Variants in ZNF829 observed in about 807,000 individuals in gnomAD.
The protein encoded by ZNF829 is zinc finger protein 829.
ZNF829 carries 25 observed loss-of-function variants against 35.2 expected under a neutral mutation model. That is an observed-to-expected ratio of 0.71 (90% CI 0.52 to 0.99). ZNF829 has a LOEUF of 0.99. Ranked by LOEUF, ZNF829 falls within the 50% of genes least tolerant of loss-of-function variation. The pLI is 0.00. For synonymous variants in ZNF829, 136 were observed against 163.2 expected (o/e 0.83, Z 1.27); for missense variants, 417 against 515.3 (o/e 0.81, Z 1.85).
In ZNF829 at chr19:36,893,112, T is replaced by C. The variant is rs2073077291; in HGVS notation, c.320-641A>G. On this transcript the variant is annotated intron_variant, in intron 5 of 5. Transcript: ENST00000391711. ...TGAAAGGACTGTTAAGAATAACAAA[T>C]GTGTTGAAAGGTTTAAATGTCGGGG... The C allele has an allele frequency of 1.3e-5, 5 of 397,638 alleles. No individual in the cohort carries two copies. In the East Asian group the frequency reaches 1.8e-4, roughly 14 times the overall value. The allele number at this position is 397,638 out of a possible 1,614,324, so 24.6% of individuals were successfully genotyped here. A position where few individuals can be genotyped will look rare whatever the true frequency, so the allele number is the denominator to read the frequency against.
chr19:36,915,261 G>A lies in ZNF829; in HGVS notation c.-84-10C>T. The A allele has an allele frequency of 6.2e-7, 1 of 1,605,086 alleles. No individual in the cohort carries two copies. Among genetic ancestry groups the A allele is most frequent in the Non-Finnish European group, 8.5e-7 (1 of 1,175,920 alleles). On this transcript the variant is annotated splice_polypyrimidine_tract_variant and intron_variant, in intron 1 of 5. Coordinates refer to ENST00000391711, the MANE Select transcript of ZNF829 (RefSeq NM_001037232.4). ...ACCTCAGAGAGGTTTCCTAGAGACA[G>A]AGTTCTGGAGTCACAATCGCATAGT...
At position 36,915,129 on chromosome 19, in the gene ZNF829, C is replaced by T. The variant is rs372911864; in HGVS notation, c.38+1G>A. ...AGTTCTTCCCCAGCCCCATTACCCA[C>T]CACACATGAGGAATGGAGATCAGAG... On this transcript the variant is annotated splice_donor_variant, in intron 2 of 5. Transcript: ENST00000391711. LOFTEE classifies it high-confidence loss of function. The T allele has an allele frequency of 2.2e-5, 35 of 1,614,084 alleles. No homozygotes were observed. The highest frequency in any genetic ancestry group is 1.8e-4 in the East Asian group (8 of 44,872).
intron 5 of ZNF829, chr19:36,901,776 A>C: frequency 1.8e-6 from 1 of 561,212 alleles, no homozygotes. Context: ...GAGAAGAAAA[A>C]GGGCCGTTCT....
At chr19:36,915,849 C>T in intron 1 of ZNF829, 162 bp downstream of exon 1, 1 of 1,535,988 alleles carries the variant, frequency 6.5e-7, no homozygotes. Flanking sequence ...CCTGCCTCGG[C>T]CTCCCAAACA....
chr19:36,895,694 CAAGT>C (rs2073105413), intron 5 of ZNF829, among the ~76,000 whole-genome samples: 1 of 151,752 alleles, frequency 6.6e-6, no homozygotes, highest in African/African-American at 2.4e-5. Context: ...AAACCAAAAG[CAAGT>C]GAGAGTAGCC....
rs551954572 is a variant in ZNF829 at position 36,889,073 on chromosome 19, A to C, written c.*2419T>G. 6.6e-6 allele frequency: 1 copy of C among 152,184 alleles called. No homozygotes were observed. The highest frequency in any genetic ancestry group is 1.9e-4 in the East Asian group (1 of 5,178). 9.4% of individuals were successfully genotyped at this position (152,184 alleles called of 1,614,324 possible). A position where few individuals can be genotyped will look rare whatever the true frequency, so the allele number is the denominator to read the frequency against. On this transcript the variant is annotated 3_prime_UTR_variant, in exon 6 of 6. Coordinates refer to ENST00000391711, the MANE Select transcript of ZNF829 (RefSeq NM_001037232.4). ...AGGTGTGAGTGCCTGGCTTATTTTT[A>C]ATTCTGTGTATGTGATGAATCATGT... is the stretch of plus-strand genomic sequence containing the variant.
intron 5 of ZNF829, among the ~76,000 whole-genome samples, chr19:36,898,724 T>C (rs773183281): frequency 1.3e-5 from 2 of 152,134 alleles, no homozygotes; most frequent in Non-Finnish European, 2.9e-5. Context: ...AACTGATGGT[T>C]GACAAAGGTG....
At chr19:36,912,243 G>C (rs139907272) in intron 3 of ZNF829, among the ~76,000 whole-genome samples, 1 of 152,290 alleles carries the variant, frequency 6.6e-6, no homozygotes, top group African/African-American at 2.4e-5. Flanking sequence ...GTGAACTAGA[G>C]GTTGTAATTA....
chr19:36,895,904 T>C (rs2073107309), intron 5 of ZNF829, among the ~76,000 whole-genome samples: 1 of 152,136 alleles, frequency 6.6e-6, no homozygotes, highest in Non-Finnish European at 1.5e-5. Flanking sequence ...TGGTGGCTCA[T>C]GCCTGTAATC....
At chr19:36,903,818 T>A (rs2073192828) in intron 5 of ZNF829, among the ~76,000 whole-genome samples, 1 of 151,752 alleles carries the variant, frequency 6.6e-6, no homozygotes, top group Non-Finnish European at 1.5e-5. Context: ...TGAGCTGAGG[T>A]TGCACCACTG....
At chr19:36,902,812 G>T (rs931326294) in intron 5 of ZNF829, among the ~76,000 whole-genome samples, 5 of 152,140 alleles carry the variant, frequency 3.3e-5, no homozygotes, top group Admixed American at 6.6e-5. Context: ...AAGGCGGGTG[G>T]ATTACTTGAG....
intron 5 of ZNF829, among the ~76,000 whole-genome samples, chr19:36,893,305 C>T (rs1213501728): frequency 6.6e-6 from 1 of 152,108 alleles, no homozygotes; most frequent in Non-Finnish European, 1.5e-5. Flanking sequence ...CTCTGGAATT[C>T]TGTGATGTTG....
rs1192691640 is a variant in ZNF829, at chr19:36,891,683, GTT to G, written c.1106_1107del (p.Gln369ProfsTer8). 3.7e-6 allele frequency: 6 copies of G among 1,613,634 alleles called. No homozygotes were observed. Among genetic ancestry groups the G allele is most frequent in the Non-Finnish European group, 5.1e-6 (6 of 1,179,910 alleles). ...KAFIQSSELI[Q>X]HQRIHTDEKP... ...TTTTCATCTGTATGGATTCTCTGAT[GTT>G]GAATAAGTTCTGAGCTCTGAATAAA... On this transcript the variant is annotated frameshift_variant, in exon 6 of 6. Coordinates refer to ENST00000391711, the MANE Select transcript of ZNF829 (RefSeq NM_001037232.4). LOFTEE classifies it high-confidence loss of function.
At chr19:36,907,867 G>T in intron 5 of ZNF829, 62 bp downstream of exon 5, 3 of 1,429,112 alleles carry the variant, frequency 2.1e-6, no homozygotes, top group Non-Finnish European at 2.9e-6. Context: ...GGAGCTTCCT[G>T]ATAACATCTC....
At chr19:36,900,053 C>A (rs1222613240) in intron 5 of ZNF829, among the ~76,000 whole-genome samples, 3 of 151,658 alleles carry the variant, frequency 2.0e-5, no homozygotes, top group African/African-American at 7.3e-5. Flanking sequence ...TGTCTGTAAT[C>A]CCAGCACTTT....
In ZNF829 at chr19:36,908,411, A is replaced by G; in HGVS notation, c.145T>C (p.Trp49Arg). 6.2e-7 allele frequency: 1 copy of G among 1,613,102 alleles called. No homozygotes were observed. The highest frequency in any genetic ancestry group is 8.5e-7 in the Non-Finnish European group (1 of 1,179,492). ...DVSIDFSQEEWECLDADQMNL... is the reference protein window; with the variant it reads ...DVSIDFSQEERECLDADQMNL... ...ATCTGATCAGCGTCCAGGCATTCCCATTCCTCTTGAGAGAAGTCTATGGAA... is the reference window on the plus strand; with the variant it reads ...ATCTGATCAGCGTCCAGGCATTCCCGTTCCTCTTGAGAGAAGTCTATGGAA... Residue 49 changes from tryptophan to arginine, a missense_variant, in exon 4 of 6, where the codon TGG (tryptophan) becomes CGG (arginine). By Grantham distance (101) the Trp-to-Arg change is moderately radical. Transcript: ENST00000391711.
chr19:36,900,615 A>C (rs2073156916), intron 5 of ZNF829, among the ~76,000 whole-genome samples: 1 of 152,056 alleles, frequency 6.6e-6, no homozygotes, highest in Non-Finnish European at 1.5e-5. Flanking sequence ...TGGAGGGCTG[A>C]GGCAGGTGGA....
At chr19:36,902,814 T>A (rs2073181344) in intron 5 of ZNF829, among the ~76,000 whole-genome samples, 1 of 152,080 alleles carries the variant, frequency 6.6e-6, no homozygotes, top group Non-Finnish European at 1.5e-5. Flanking sequence ...GGCGGGTGGA[T>A]TACTTGAGGT....
At chr19:36,898,646 T>A (rs538504643) in intron 5 of ZNF829, among the ~76,000 whole-genome samples, 44 of 152,162 alleles carry the variant, frequency 2.9e-4, no homozygotes, top group South Asian at 1.0e-3. Flanking sequence ...GGTACTGTCA[T>A]AAAAATAGAC....
Sources: gnomAD v4.1 joint callset for allele counts (sites outside exome capture counted in the v4.1 genomes callset) on GRCh38, gnomAD v4.1.1 for gene constraint, MANE v1.5 for transcripts, NCBI Gene and HGNC (gene_info 2026-07-23, HGNC 2026-07-21) for gene names.